The following SUPT3H variants were observed in gnomAD, a reference collection of about 807,000 sequenced individuals.
The protein encoded by SUPT3H is SPT3 homolog, SAGA and STAGA complex component.
SUPT3H carries 44 observed loss-of-function variants against 44.3 expected under a neutral mutation model. The ratio of observed to expected loss-of-function variants is 0.99; its 90% CI spans 0.78 to 1.28. SUPT3H has a LOEUF of 1.28. Ranked by LOEUF, SUPT3H falls within the 50% of genes most tolerant of loss-of-function variation. The probability of loss-of-function intolerance (pLI) is 0.00; values close to 1 mark genes in which losing one functional copy is unlikely to be tolerated. For synonymous variants in SUPT3H, 124 were observed against 125.6 expected (o/e 0.99, Z 0.09); for missense variants, 380 against 387.1 (o/e 0.98, Z 0.15).
At chr6:45,077,187 G>A (rs928461418) in intron 3 of SUPT3H, among the ~76,000 whole-genome samples, 1 of 152,042 alleles carries the variant, frequency 6.6e-6, no homozygotes, top group Non-Finnish European at 1.5e-5. Flanking sequence ...GAACCACTGT[G>A]ACACTTTATA....
chr6:44,892,454 CT>C (rs1763456375), intron 10 of SUPT3H, among the ~76,000 whole-genome samples: 1 of 152,088 alleles, frequency 6.6e-6, no homozygotes, highest in South Asian at 2.1e-4. Flanking sequence ...TTTTCAGCCT[CT>C]AGAACTGAGG....
intron 2 of SUPT3H, among the ~76,000 whole-genome samples, chr6:45,166,588 A>T (rs1809910621): frequency 6.6e-6 from 1 of 150,744 alleles, no homozygotes; most frequent in African/African-American, 2.4e-5. Flanking sequence ...CCATCCAAAA[A>T]AAAAAAAAAA....
intron 3 of SUPT3H, among the ~76,000 whole-genome samples, chr6:45,069,903 T>C (rs1794109425): frequency 6.6e-6 from 1 of 152,010 alleles, no homozygotes; most frequent in South Asian, 2.1e-4. Context: ...GATATAAATA[T>C]GCCTAGAGAG....
intron 3 of SUPT3H, among the ~76,000 whole-genome samples, chr6:45,093,900 T>A (rs1797458329): frequency 6.6e-6 from 1 of 152,148 alleles, no homozygotes; most frequent in Non-Finnish European, 1.5e-5. Flanking sequence ...ATTCTATGCA[T>A]AAAACAAATT....
At chr6:45,058,355 T>TTA (rs1266038325) in intron 3 of SUPT3H, among the ~76,000 whole-genome samples, 2 of 152,162 alleles carry the variant, frequency 1.3e-5, no homozygotes, top group Non-Finnish European at 2.9e-5. Context: ...GAAACACTAA[T>TTA]AACTATAATT....
chr6:44,969,381 A>G (rs1485260710), intron 6 of SUPT3H, among the ~76,000 whole-genome samples: 1 of 151,808 alleles, frequency 6.6e-6, no homozygotes, highest in East Asian at 1.9e-4. Context: ...AGGTAACTTT[A>G]ACTTTTCAGT....
At chr6:45,105,085 TACA>T (rs1450482542) in intron 3 of SUPT3H, among the ~76,000 whole-genome samples, 6 of 152,022 alleles carry the variant, frequency 3.9e-5, no homozygotes, top group East Asian at 1.9e-4. Context: ...GTATAGCATA[TACA>T]ACGAGAAACA....
chr6:45,363,809 T>C (rs1794676381), intron 2 of SUPT3H, among the ~76,000 whole-genome samples: 1 of 152,008 alleles, frequency 6.6e-6, no homozygotes, highest in African/African-American at 2.4e-5. Context: ...TGTAATCAAT[T>C]TTTGGCTTTA....
intron 2 of SUPT3H, among the ~76,000 whole-genome samples, chr6:45,358,378 G>A (rs979214790): frequency 3.3e-5 from 5 of 151,970 alleles, no homozygotes; most frequent in Admixed American, 6.6e-5. Context: ...CTATCACACC[G>A]GATAAAAAGG....
chr6:44,923,213 T>C (rs556387887), intron 10 of SUPT3H, among the ~76,000 whole-genome samples: 5 of 152,250 alleles, frequency 3.3e-5, no homozygotes, highest in East Asian at 3.9e-4. Flanking sequence ...CTTTGAAATA[T>C]ATAAACTTGG....
At chr6:44,870,656 G>C (rs995571435) in intron 10 of SUPT3H, among the ~76,000 whole-genome samples, 1 of 150,830 alleles carries the variant, frequency 6.6e-6, no homozygotes, top group African/African-American at 2.4e-5. Flanking sequence ...CAAGATGGCC[G>C]AATAGGAACA....
At chr6:45,017,166 T>A (rs1295339956) in intron 4 of SUPT3H, among the ~76,000 whole-genome samples, 1 of 151,932 alleles carries the variant, frequency 6.6e-6, no homozygotes, top group African/African-American at 2.4e-5. Context: ...TCTGTTCATA[T>A]CCTTTGCCCA....
intron 2 of SUPT3H, among the ~76,000 whole-genome samples, chr6:45,196,233 A>G (rs1015965870): frequency 2.6e-5 from 4 of 152,064 alleles, no homozygotes; most frequent in South Asian, 4.1e-4. Flanking sequence ...ACTGTCCCGC[A>G]GCTGTTTAAA....
chr6:45,082,092 G>C (rs1583442087), intron 3 of SUPT3H, among the ~76,000 whole-genome samples: 1 of 151,942 alleles, frequency 6.6e-6, no homozygotes, highest in South Asian at 2.1e-4. Context: ...TATTAAATCA[G>C]GAAGAAATTG....
rs977345174 is a variant in SUPT3H at position 44,904,867 on chromosome 6, A to C, written c.912+27786T>G. ...ACAGAGCCCTCAGAAATAATGCCAC[A>C]TATCTACAACCATCTGAACTTTGAC... On this transcript the variant is annotated intron_variant, in intron 10 of 10. Transcript: ENST00000371459. Among the ~76,000 whole-genome samples the C allele has an allele frequency of 1.6e-4, 25 of 152,230 alleles. 1 individual carries two copies. The highest frequency in any genetic ancestry group is 1.6e-4 in the Non-Finnish European group (11 of 68,042).
intron 2 of SUPT3H, among the ~76,000 whole-genome samples, chr6:45,212,155 G>GA (rs993999307): frequency 1.3e-5 from 2 of 152,006 alleles, no homozygotes; most frequent in African/African-American, 4.8e-5. Flanking sequence ...GCAAGACTCT[G>GA]TCTCAAAAAG....
rs576367366 is a variant in SUPT3H, at chr6:45,178,935, T to C, written c.102-72929A>G. ...AAAGCAGTGTGTAGAGGGAAATTTA[T>C]AGCACTAAATGCCCACAAGAGAAAG... On this transcript the variant is annotated intron_variant, in intron 2 of 10. Transcript: ENST00000371459. Among the ~76,000 whole-genome samples, 22 of 151,866 alleles carry C rather than the reference T, an allele frequency of 1.4e-4. No homozygotes were observed. In the South Asian group the frequency reaches 4.4e-3, roughly 30 times the overall value.
intron 3 of SUPT3H, among the ~76,000 whole-genome samples, chr6:45,021,473 AAAAT>A (rs1476352057): frequency 1.3e-5 from 2 of 151,964 alleles, no homozygotes; most frequent in African/African-American, 4.8e-5. Flanking sequence ...CCATCTGAAA[AAAAT>A]AAAGATGCTA....
intron 6 of SUPT3H, among the ~76,000 whole-genome samples, chr6:44,979,479 T>C (rs1405353016): frequency 2.0e-5 from 3 of 152,178 alleles, no homozygotes; most frequent in African/African-American, 7.2e-5. Context: ...AAAATACTCT[T>C]TCAATACAAA....
Sources: allele counts gnomAD v4.1 joint callset (sites outside exome capture counted in the v4.1 genomes callset), GRCh38; gene constraint gnomAD v4.1.1; transcripts MANE v1.5; gene names NCBI Gene and HGNC (gene_info 2026-07-23, HGNC 2026-07-21).